Variants in FYCO1 observed in about 807,000 individuals in gnomAD.
FYCO1 encodes FYVE and coiled-coil domain autophagy adaptor 1.
A neutral mutation model predicts 165.1 loss-of-function variants in FYCO1; 122 were observed. The observed-to-expected ratio is 0.74, with a 90% CI of 0.64 to 0.86. The LOEUF (loss-of-function observed/expected upper bound fraction) is 0.86. Ranked by LOEUF, FYCO1 falls within the 40% of genes least tolerant of loss-of-function variation. The pLI, the probability that FYCO1 is intolerant of heterozygous loss-of-function variation, is 0.00. For synonymous variants in FYCO1, 648 were observed against 742.5 expected (o/e 0.87, Z 2.07); for missense variants, 1,702 against 1,810.3 (o/e 0.94, Z 1.09).
At chr3:45,959,921 G>A (rs1705592734) in intron 11 of FYCO1, among the ~76,000 whole-genome samples, 1 of 152,184 alleles carries the variant, frequency 6.6e-6, no homozygotes, top group African/African-American at 2.4e-5. Context: ...GACCATGAAT[G>A]TACTTCCCAC....
At chr3:45,965,808 G>A (rs1370958039) in intron 8 of FYCO1, among the ~76,000 whole-genome samples, 4 of 152,192 alleles carry the variant, frequency 2.6e-5, no homozygotes, top group African/African-American at 4.8e-5. Flanking sequence ...CATGCCCGGC[G>A]GGGCTGGGCA....
rs544878232 is a variant in FYCO1 at position 45,986,181 on chromosome 3, G to T, written c.-112-1159C>A. Reference sequence around the variant, plus strand: ...ACAGAGACTGAACTCTGGTCAGTCTGATTTCAAACCTGGTGGTTTTCCAAT... The same window carrying T: ...ACAGAGACTGAACTCTGGTCAGTCTTATTTCAAACCTGGTGGTTTTCCAAT... On this transcript the variant is annotated intron_variant, in intron 1 of 17. Coordinates refer to ENST00000296137, the MANE Select transcript of FYCO1 (RefSeq NM_024513.4). Among the ~76,000 whole-genome samples the T allele has an allele frequency of 1.2e-4, 18 of 152,336 alleles. No homozygotes were observed. The South Asian group carries it at 3.7e-3, about 32-fold the overall frequency.
intron 14 of FYCO1, among the ~76,000 whole-genome samples, chr3:45,939,612 T>C (rs576723944): frequency 6.6e-6 from 1 of 152,190 alleles, no homozygotes; most frequent in African/African-American, 2.4e-5. Flanking sequence ...AAAATCCCTA[T>C]GGCCCAAGGT....
chr3:45,966,774 C>A lies in FYCO1; in HGVS notation c.2560G>T (p.Ala854Ser), dbSNP rs748032750. 1.2e-6 allele frequency: 2 copies of A among 1,609,878 alleles called. No individual in the cohort carries two copies. The highest frequency in any genetic ancestry group is 1.7e-6 in the Non-Finnish European group (2 of 1,180,002). Residue 854 changes from alanine to serine, a missense_variant, in exon 8 of 18, where the codon GCA (alanine) becomes TCA (serine). Transcript: ENST00000296137. The part of the protein sequence containing the change: ...ELLQCSEREG[A>S]LQEERADEAQ... ...TCATCGGCCCTCTCCTCCTGCAGTG[C>A]CCCTTCACGCTCCGAGCATTGCAGC...
chr3:45,973,868 G>A (rs1382402224), intron 5 of FYCO1, among the ~76,000 whole-genome samples: 1 of 151,928 alleles, frequency 6.6e-6, no homozygotes. Context: ...GGCCAGGGTG[G>A]GCAACATGGC....
chr3:45,985,764 A>G (rs936068592), intron 1 of FYCO1, among the ~76,000 whole-genome samples: 3 of 152,214 alleles, frequency 2.0e-5, no homozygotes, highest in Non-Finnish European at 2.9e-5. Context: ...TCAGCCCTAC[A>G]TGGGCAGCTG....
chr3:45,952,812 G>A (rs1705104707), intron 14 of FYCO1, among the ~76,000 whole-genome samples: 1 of 152,176 alleles, frequency 6.6e-6, no homozygotes, highest in Admixed American at 6.5e-5. Flanking sequence ...CCAGGTTTCT[G>A]GTCCTGCTCA....
At position 45,966,753 on chromosome 3, in the gene FYCO1, C is replaced by T. The variant is rs199583349; in HGVS notation, c.2581G>A (p.Asp861Asn). ...REGALQEERA[D>N]EAQQREEELR... ...TCCTCCTCCCTCTGCTGGGCCTCAT[C>T]GGCCCTCTCCTCCTGCAGTGCCCCT... is the stretch of plus-strand genomic sequence containing the variant. Residue 861 changes from aspartate (D) to asparagine (N), a missense_variant, in exon 8 of 18, where the codon GAT (aspartate) becomes AAT (asparagine). Coordinates refer to ENST00000296137, the MANE Select transcript of FYCO1 (RefSeq NM_024513.4). The T allele has an allele frequency of 3.0e-5, 49 of 1,610,754 alleles. No homozygotes were observed. The East Asian group carries it at 8.7e-4, about 29-fold the overall frequency.
In FYCO1 at chr3:45,955,129, C is replaced by G. The variant is rs551479286; in HGVS notation, c.3944+120G>C. The stretch of plus-strand genomic sequence containing the variant: ...CTTCAAGGCCATCGCAAGCACTGTT[C>G]CCTTAGGCAAGGACAGTCAATCCTG... On this transcript the variant is annotated intron_variant, in intron 14 of 17. Transcript: ENST00000296137. 16 of 1,202,750 alleles carry G rather than the reference C, an allele frequency of 1.3e-5. No individual in the cohort carries two copies. In the East Asian group the frequency reaches 3.3e-4, roughly 25 times the overall value. 74.5% of individuals were successfully genotyped at this position (1,202,750 alleles called of 1,614,324 possible).
At chr3:45,948,393 C>T in intron 14 of FYCO1, 1 of 159,332 alleles carries the variant, frequency 6.3e-6, no homozygotes. Context: ...ATGTGGTATG[C>T]CTGGAATATA....
intron 16 of FYCO1, among the ~76,000 whole-genome samples, chr3:45,924,061 G>A (rs1703210456): frequency 6.6e-6 from 1 of 152,176 alleles, no homozygotes; most frequent in Non-Finnish European, 1.5e-5. Flanking sequence ...TGGGCTAAAG[G>A]AGAAGCCCTT....
At chr3:45,945,309 G>A (rs1232417138) in intron 14 of FYCO1, 1 of 152,238 alleles carries the variant, frequency 6.6e-6, no homozygotes, top group Non-Finnish European at 1.5e-5. Flanking sequence ...ATGGCTCCAG[G>A]TCACTGGAAA....
chr3:45,932,533 C>G (rs768605710), intron 15 of FYCO1, among the ~76,000 whole-genome samples: 5 of 152,234 alleles, frequency 3.3e-5, no homozygotes, highest in Admixed American at 6.5e-5. Flanking sequence ...ACCAAACTGC[C>G]TTTTGTGGAG....
At chr3:45,933,383 G>A (rs918710810) in intron 15 of FYCO1, among the ~76,000 whole-genome samples, 6 of 152,172 alleles carry the variant, frequency 3.9e-5, no homozygotes, top group African/African-American at 1.4e-4. Context: ...CTTTCAAGGT[G>A]TTGTCATTCT....
intron 2 of FYCO1, among the ~76,000 whole-genome samples, chr3:45,982,198 A>T (rs997856480): frequency 6.6e-6 from 1 of 152,178 alleles, no homozygotes; most frequent in African/African-American, 2.4e-5. Context: ...CTGGGCCTTT[A>T]CATGTATTTT....
At position 45,921,716 on chromosome 3, in the gene FYCO1, G is replaced by A; in HGVS notation, c.*49C>T. The A allele has an allele frequency of 8.3e-7, 1 of 1,202,024 alleles. No individual in the cohort carries two copies. 74.5% of individuals were successfully genotyped at this position (1,202,024 alleles called of 1,614,324 possible). A position where few individuals can be genotyped will look rare whatever the true frequency, so the allele number is the denominator to read the frequency against. On this transcript the variant is annotated 3_prime_UTR_variant, in exon 18 of 18. Coordinates refer to ENST00000296137, the MANE Select transcript of FYCO1 (RefSeq NM_024513.4). Reference sequence around the variant, plus strand: ...AAAAATGCTTTATGTGACAGGTGAGGAAGAGCAGTGTTTCCTGTGGATGAA... The same window carrying A: ...AAAAATGCTTTATGTGACAGGTGAGAAAGAGCAGTGTTTCCTGTGGATGAA...
chr3:45,926,031 C>A (rs1369144349), intron 16 of FYCO1, among the ~76,000 whole-genome samples: 1 of 152,170 alleles, frequency 6.6e-6, no homozygotes, highest in Non-Finnish European at 1.5e-5. Context: ...TCAGGCAATG[C>A]AGGATAGTGA....
At chr3:45,937,593 G>A (rs975036681) in intron 14 of FYCO1, among the ~76,000 whole-genome samples, 2 of 152,254 alleles carry the variant, frequency 1.3e-5, no homozygotes, top group African/African-American at 4.8e-5. Context: ...AAGTTTTAAA[G>A]GACTCAGAGA....
chr3:45,962,702 G>T lies in FYCO1; in HGVS notation c.3270-310C>A, dbSNP rs923525153. Among the ~76,000 whole-genome samples the T allele has an allele frequency of 2.6e-5, 4 of 152,174 alleles. No individual in the cohort carries two copies. Among genetic ancestry groups the T allele is most frequent in the Non-Finnish European group, 5.9e-5 (4 of 68,030 alleles). ...TTGCAAGAGAAGCCTGATAGGCAAG[G>T]CTCATGGGCTGGTGATGGGGAGGAT... On this transcript the variant is annotated intron_variant, in intron 10 of 17. Transcript: ENST00000296137. The surrounding 1 kb of genome is among the most constrained non-coding windows in gnomAD (Gnocchi z 4.4).
Sources: allele counts gnomAD v4.1 joint callset (sites outside exome capture counted in the v4.1 genomes callset), GRCh38; gene constraint gnomAD v4.1.1; non-coding constraint Gnocchi (gnomAD v3.1); transcripts MANE v1.5; gene names NCBI Gene and HGNC (gene_info 2026-07-23, HGNC 2026-07-21).